The following CHODL variants were observed in gnomAD, a reference collection of about 807,000 sequenced individuals.
CHODL encodes chondrolectin.
Under a neutral mutation model 34.5 loss-of-function variants are expected in CHODL, and 29 were observed. The ratio of observed to expected loss-of-function variants is 0.84; its 90% CI spans 0.63 to 1.15. The LOEUF (loss-of-function observed/expected upper bound fraction) is 1.15. Ranked by LOEUF, CHODL falls within the 50% of genes most tolerant of loss-of-function variation. The pLI, the probability that CHODL is intolerant of heterozygous loss-of-function variation, is 0.00. For synonymous variants in CHODL, 125 were observed against 116.1 expected, an observed-to-expected ratio of 1.08 and a Z score of -0.49; for missense variants, 332 against 332.5, an observed-to-expected ratio of 1.00 and a Z score of 0.01.
At chr21:18,085,332 A>G (rs1344855792) in intron 2 of CHODL, among the ~76,000 whole-genome samples, 1 of 151,940 alleles carries the variant, frequency 6.6e-6, no homozygotes, top group East Asian at 1.9e-4. Flanking sequence ...ATTGCTAATT[A>G]TTTTAAAGTT....
intron 2 of CHODL, among the ~76,000 whole-genome samples, chr21:18,062,733 T>TC (rs753449433): frequency 2.0e-5 from 3 of 152,046 alleles, no homozygotes; most frequent in Non-Finnish European, 4.4e-5. Context: ...ACCACTTCTC[T>TC]CCAGCCTGGG....
intron 2 of CHODL, among the ~76,000 whole-genome samples, chr21:18,100,784 T>C (rs139603551): frequency 5.8e-4 from 88 of 152,284 alleles, no homozygotes; most frequent in Middle Eastern, 3.4e-3. Context: ...TTGTTGAGTG[T>C]GTGTACATTC....
chr21:18,252,598 G>A (rs2074271178), intron 1 of CHODL, among the ~76,000 whole-genome samples: 1 of 152,212 alleles, frequency 6.6e-6, no homozygotes, highest in Admixed American at 6.5e-5. Context: ...ACGATAAGGT[G>A]GAAGTCAGTA....
chr21:18,224,129 C>T (rs1411542553), intron 2 of CHODL, among the ~76,000 whole-genome samples: 1 of 152,136 alleles, frequency 6.6e-6, no homozygotes, highest in Admixed American at 6.5e-5. Flanking sequence ...TTCCCTGAAC[C>T]CTTCAGTCTG....
intron 2 of CHODL, among the ~76,000 whole-genome samples, chr21:18,117,495 A>G (rs1249164292): frequency 6.6e-6 from 1 of 152,198 alleles, no homozygotes; most frequent in South Asian, 2.1e-4. Flanking sequence ...AATGTGTACA[A>G]TATACAGCTG....
chr21:18,112,461 A>G (rs1355186922), intron 2 of CHODL, among the ~76,000 whole-genome samples: 3 of 152,188 alleles, frequency 2.0e-5, no homozygotes. Flanking sequence ...AGCCAAAGCT[A>G]TCCTGAGCAA....
rs113133271 is a variant in CHODL at position 18,193,707 on chromosome 21, A to G, written c.-44-62802A>G. On this transcript the variant is annotated intron_variant, in intron 2 of 6. Transcript: ENST00000400127. ...CAAGACTCTGTCTCAGAAAAAAAAA[A>G]AAATAAAATAAATAAATAAATAAAT... 4.9e-5 allele frequency among the ~76,000 whole-genome samples: 7 copies of G among 141,446 alleles called. No individual in the cohort carries two copies. In the South Asian group the frequency reaches 1.5e-3, roughly 30 times the overall value. 92.8% of individuals were successfully genotyped at this position (141,446 alleles called of 152,430 possible). A position where few individuals can be genotyped will look rare whatever the true frequency, so the allele number is the denominator to read the frequency against.
intron 2 of CHODL, among the ~76,000 whole-genome samples, chr21:18,180,311 T>C (rs370350452): frequency 2.0e-5 from 3 of 151,926 alleles, no homozygotes; most frequent in African/African-American, 7.3e-5. Flanking sequence ...CACCACCACA[T>C]CCAACTAATT....
At chr21:18,071,146 A>AT (rs10634402) in intron 2 of CHODL, among the ~76,000 whole-genome samples, 5,569 of 112,662 alleles carry the variant, frequency 0.049, 527 homozygotes, top group African/African-American at 0.15. Context: ...TAACTACAGC[A>AT]TTTTTTTTTT....
chr21:17,922,118 C>G (rs762092602), intron 1 of CHODL, among the ~76,000 whole-genome samples: 11 of 151,070 alleles, frequency 7.3e-5, no homozygotes, highest in Admixed American at 3.3e-4. Flanking sequence ...CATGGCAGTA[C>G]AGTTAGAGTG....
chr21:18,094,018 G>T (rs1308842423), intron 2 of CHODL, among the ~76,000 whole-genome samples: 4 of 151,980 alleles, frequency 2.6e-5, no homozygotes, highest in Non-Finnish European at 5.9e-5. Flanking sequence ...TGAAAATAAA[G>T]ACATGGAAAA....
At chr21:17,988,191 T>A (rs549605720) in intron 1 of CHODL, among the ~76,000 whole-genome samples, 73 of 152,066 alleles carry the variant, frequency 4.8e-4, no homozygotes, top group Non-Finnish European at 7.8e-4. Context: ...ATGAGAAAAA[T>A]GAAACATTTG....
At chr21:18,090,865 A>G (rs1031779227) in intron 2 of CHODL, among the ~76,000 whole-genome samples, 44 of 152,164 alleles carry the variant, frequency 2.9e-4, no homozygotes, top group Admixed American at 2.4e-3. Flanking sequence ...TGCACACAGT[A>G]AAGCACCACC....
chr21:17,949,854 G>A (rs1391977429), intron 1 of CHODL, among the ~76,000 whole-genome samples: 2 of 152,094 alleles, frequency 1.3e-5, no homozygotes, highest in African/African-American at 4.8e-5. Context: ...GAAAATGCTT[G>A]GGGGAGGAGG....
chr21:18,049,933 G>A (rs1334020359), intron 2 of CHODL, among the ~76,000 whole-genome samples: 4 of 151,980 alleles, frequency 2.6e-5, no homozygotes, highest in Non-Finnish European at 5.9e-5. Context: ...GCTTCTCTTA[G>A]TCATCAGCAC....
intron 2 of CHODL, among the ~76,000 whole-genome samples, chr21:18,166,026 A>G (rs1349212172): frequency 6.6e-6 from 1 of 152,114 alleles, no homozygotes; most frequent in Non-Finnish European, 1.5e-5. Flanking sequence ...ACCTTAGCTG[A>G]ATTCTCTACT....
intron 1 of CHODL, among the ~76,000 whole-genome samples, chr21:17,947,342 T>C (rs1051625827): frequency 6.6e-6 from 1 of 151,906 alleles, no homozygotes; most frequent in African/African-American, 2.4e-5. Flanking sequence ...CCAAAACCCA[T>C]GGAATACAGT....
chr21:18,024,591 T>C (rs2064155924), intron 1 of CHODL: 5 of 152,216 alleles, frequency 3.3e-5, no homozygotes, highest in African/African-American at 1.2e-4. Flanking sequence ...AGTCTATGGA[T>C]GGCACTTTTC....
At chr21:18,222,809 G>A (rs2073897182) in intron 2 of CHODL, among the ~76,000 whole-genome samples, 1 of 152,100 alleles carries the variant, frequency 6.6e-6, no homozygotes, top group Admixed American at 6.6e-5. Flanking sequence ...GAGGAGGCAA[G>A]TCTGCTGTGT....
Sources: allele counts gnomAD v4.1 joint callset (sites outside exome capture counted in the v4.1 genomes callset), GRCh38; gene constraint gnomAD v4.1.1; transcripts MANE v1.5; gene names NCBI Gene and HGNC (gene_info 2026-07-23, HGNC 2026-07-21).